The following FKBP15 variants were observed in gnomAD, a reference collection of about 807,000 sequenced individuals.
FKBP15 encodes FK506-binding protein 15.
Under a neutral mutation model 158.1 loss-of-function variants are expected in FKBP15, and 106 were observed. The observed-to-expected ratio is 0.67, with a 90% CI of 0.57 to 0.79. The LOEUF is 0.79. Ranked by LOEUF, FKBP15 falls within the 30% of genes least tolerant of loss-of-function variation. FKBP15 has a pLI of 0.00. For synonymous variants in FKBP15, 547 were observed against 548.6 expected, an observed-to-expected ratio of 1.00 and a Z score of 0.04; for missense variants, 1,287 against 1,479.1, an observed-to-expected ratio of 0.87 and a Z score of 2.13.
At position 113,161,590 on chromosome 9, in the gene FKBP15, A is replaced by G. The variant is rs770926192; in HGVS notation, c.*4488T>C. 2.2e-5 allele frequency: 35 copies of G among 1,613,906 alleles called. No homozygotes were observed. The highest frequency in any genetic ancestry group is 1.3e-4 in the East Asian group (6 of 44,896). The stretch of plus-strand genomic sequence containing the variant: ...AAGGTTGGCAAAGCCAAGCTGCTCA[A>G]CCAGGTACTGGTGAACCTGCCAACC... On this transcript the variant is annotated 3_prime_UTR_variant, in exon 28 of 28. Transcript: ENST00000238256.
At chr9:113,187,402 C>T (rs1830503225) in intron 14 of FKBP15, 1 of 159,816 alleles carries the variant, frequency 6.3e-6, no homozygotes, top group South Asian at 1.6e-4. Context: ...ACATTTTCCA[C>T]ATGGTTCCAC....
chr9:113,186,520 G>A, intron 14 of FKBP15, 157 bp from the exon 15 acceptor site: 3 of 614,890 alleles, frequency 4.9e-6, no homozygotes, highest in Non-Finnish European at 8.9e-6. Context: ...AGTTGGTAAG[G>A]ACTGCAGCAG....
At chr9:113,174,078 G>T (rs1230402280) in intron 22 of FKBP15, among the ~76,000 whole-genome samples, 1 of 152,174 alleles carries the variant, frequency 6.6e-6, no homozygotes, top group African/African-American at 2.4e-5. Context: ...CCTTCCTGAT[G>T]ACCTAAATCA....
At position 113,166,148 on chromosome 9, in the gene FKBP15, T is replaced by G; in HGVS notation, c.3590A>C (p.Lys1197Thr). The G allele has an allele frequency of 6.2e-7, 1 of 1,612,648 alleles. No individual in the cohort carries two copies. The highest frequency in any genetic ancestry group is 8.5e-7 in the Non-Finnish European group (1 of 1,179,316). The change falls in exon 28 of 28, where the codon AAG becomes ACG. Residue 1197 changes from lysine (K) to threonine (T), a missense_variant. Transcript: ENST00000238256. ...EEEDEDEVSM[K>T]GRPPPTPLFG... The stretch of plus-strand genomic sequence containing the variant: ...AAGGGGCGTTGGGGGCGGGCGTCCC[T>G]TCATGCTCTGATAAAACAGGAAAGA...
chr9:113,215,215 C>T (rs1171157487), intron 1 of FKBP15, among the ~76,000 whole-genome samples: 1 of 152,154 alleles, frequency 6.6e-6, no homozygotes, highest in Non-Finnish European at 1.5e-5. Flanking sequence ...TTTGTTTACA[C>T]GCCTTCCTCA....
rs185760376 is a variant in FKBP15, at chr9:113,169,394, C to T, written c.3315G>A (p.Gly1105=). ...TTTCAGGCCCTAAGGCCAGTGGGTC[C>T]CCCTCCTCGGGGTCTGAAGTCAGGG... ...RLSLTSDPEE[G]DPLALGPESP... Residue 1105 remains glycine, a synonymous_variant, in exon 26 of 28, where the codon GGG becomes GGA. Coordinates refer to ENST00000238256, the MANE Select transcript of FKBP15 (RefSeq NM_015258.2). The T allele has an allele frequency of 1.2e-6, 2 of 1,613,922 alleles. No homozygotes were observed. The highest frequency in any genetic ancestry group is 1.7e-6 in the Non-Finnish European group (2 of 1,179,904).
intron 25 of FKBP15, among the ~76,000 whole-genome samples, chr9:113,170,264 T>C (rs889436396): frequency 6.6e-6 from 1 of 152,134 alleles, no homozygotes; most frequent in Non-Finnish European, 1.5e-5. Flanking sequence ...TAGCTGGGAC[T>C]ACAGGCACGT....
chr9:113,181,573 C>T (rs534273914), intron 19 of FKBP15, among the ~76,000 whole-genome samples: 9 of 152,180 alleles, frequency 5.9e-5, no homozygotes, highest in East Asian at 1.9e-4. Flanking sequence ...TCTGGAGGTT[C>T]GGGATTTAAG....
chr9:113,161,644 C>G lies in FKBP15; in HGVS notation c.*4434G>C. ...ATCAGCCAGCAGACCATCGCAGAGA[C>G]AGACGGGGACTCTGCAGGCTCAGAT... On this transcript the variant is annotated 3_prime_UTR_variant, in exon 28 of 28. Transcript: ENST00000238256. 3 of 1,614,026 alleles carry G rather than the reference C, an allele frequency of 1.9e-6. No individual in the cohort carries two copies. The highest frequency in any genetic ancestry group is 2.5e-6 in the Non-Finnish European group (3 of 1,179,906).
intron 2 of FKBP15, among the ~76,000 whole-genome samples, 188 bp downstream of exon 2, chr9:113,211,289 G>A (rs553587352): frequency 2.0e-5 from 3 of 152,292 alleles, no homozygotes; most frequent in African/African-American, 7.2e-5. Context: ...CCCCCTAGTA[G>A]CTGGGATTAC....
chr9:113,217,366 C>G (rs2118965956), intron 1 of FKBP15, among the ~76,000 whole-genome samples: 1 of 151,828 alleles, frequency 6.6e-6, no homozygotes, highest in East Asian at 2.0e-4. Context: ...GCACCTGCCA[C>G]CACACCCAGT....
chr9:113,196,174 G>A lies in FKBP15; in HGVS notation c.864+758C>T, dbSNP rs936425803. ...TAATTTAACCAGTATCTTAATGATG[G>A]ACATTTAGGTTGTTGCCAGTTTTTT... On this transcript the variant is annotated intron_variant, in intron 9 of 27. Coordinates refer to ENST00000238256, the MANE Select transcript of FKBP15 (RefSeq NM_015258.2). Among the ~76,000 whole-genome samples the A allele has an allele frequency of 1.8e-4, 27 of 152,146 alleles. 1 individual carries two copies. Among genetic ancestry groups the A allele is most frequent in the Admixed American group, 1.6e-3 (25 of 15,282 alleles).
At chr9:113,221,143 C>A in intron 1 of FKBP15, 48 bp downstream of exon 1, 1 of 1,560,450 alleles carries the variant, frequency 6.4e-7, no homozygotes. Context: ...AACAATCCGC[C>A]GGTATCTCTC....
intron 22 of FKBP15, 39 bp downstream of exon 22, chr9:113,174,389 C>T (rs369001341): frequency 2.5e-6 from 4 of 1,602,190 alleles, no homozygotes; most frequent in African/African-American, 2.7e-5. Context: ...GTCCTTCACA[C>T]CTTCCCTCTA....
chr9:113,210,590 C>T (rs1203114515), intron 2 of FKBP15, among the ~76,000 whole-genome samples: 3 of 152,162 alleles, frequency 2.0e-5, no homozygotes, highest in African/African-American at 4.8e-5. Flanking sequence ...CTCGGCCTCC[C>T]GAAGTGATGG....
intron 19 of FKBP15, among the ~76,000 whole-genome samples, chr9:113,179,081 A>G (rs1018048219): frequency 2.6e-5 from 4 of 151,650 alleles, no homozygotes; most frequent in African/African-American, 9.7e-5. Flanking sequence ...CCCAGGCTAG[A>G]GTGCAATGAC....
chr9:113,167,094 T>G (rs1830110623), intron 27 of FKBP15, among the ~76,000 whole-genome samples: 1 of 152,214 alleles, frequency 6.6e-6, no homozygotes, highest in Non-Finnish European at 1.5e-5. Context: ...GATCTCTAAC[T>G]CTGACAGTAT....
rs985329053 is a variant in FKBP15 at position 113,165,029 on chromosome 9, T to C, written c.*1049A>G. 2.0e-5 allele frequency: 3 copies of C among 149,254 alleles called. No individual in the cohort carries two copies. The highest frequency in any genetic ancestry group is 6.8e-5 in the Admixed American group (1 of 14,726). The allele number at this position is 149,254 out of a possible 1,614,324, so 9.2% of individuals were successfully genotyped here. A position where few individuals can be genotyped will look rare whatever the true frequency, so the allele number is the denominator to read the frequency against. ...ACATTTAAAATCAAGAAACATTTTT[T>C]ATTAAAATTAATTATTCTGTTTTTT... On this transcript the variant is annotated 3_prime_UTR_variant, in exon 28 of 28. Coordinates refer to ENST00000238256, the MANE Select transcript of FKBP15 (RefSeq NM_015258.2).
intron 4 of FKBP15, among the ~76,000 whole-genome samples, chr9:113,204,900 T>C (rs535802492): frequency 6.6e-6 from 1 of 152,278 alleles, no homozygotes; most frequent in South Asian, 2.1e-4. Context: ...ATATTATTCC[T>C]AGTTGTTTTA....
Sources: allele counts gnomAD v4.1 joint callset (sites outside exome capture counted in the v4.1 genomes callset), GRCh38; gene constraint gnomAD v4.1.1; transcripts MANE v1.5; gene names NCBI Gene and HGNC (gene_info 2026-07-23, HGNC 2026-07-21).